SYCP2: variants seen among roughly 807,000 people sequenced by gnomAD.
The protein encoded by SYCP2 is synaptonemal complex lateral element protein.
In SYCP2, 55 loss-of-function variants were observed where a neutral mutation model predicts 211.3. The observed-to-expected ratio is 0.26, with a 90% confidence interval of 0.21 to 0.33. SYCP2 has a LOEUF of 0.33. Among genes scored for constraint, SYCP2 ranks in the 10% least tolerant of loss-of-function variants. SYCP2 has a pLI of 1.00. For synonymous variants in SYCP2, 570 were observed against 555.2 expected, an observed-to-expected ratio of 1.03 and a Z score of -0.37; for missense variants, 1,731 against 1,752.0, an observed-to-expected ratio of 0.99 and a Z score of 0.21.
intron 18 of SYCP2, chr20:59,899,920 G>A (rs1339295320): frequency 3.9e-6 from 2 of 513,790 alleles, no homozygotes; most frequent in East Asian, 3.2e-5. Flanking sequence ...ATTTACAACT[G>A]TAAAGTATGT....
At chr20:59,895,150 G>C (rs1363888866) in intron 20 of SYCP2, among the ~76,000 whole-genome samples, 3 of 152,044 alleles carry the variant, frequency 2.0e-5, no homozygotes, top group African/African-American at 7.2e-5. Context: ...CCCCATAGTA[G>C]TCACCAATTT....
intron 14 of SYCP2, among the ~76,000 whole-genome samples, chr20:59,910,325 T>A (rs1394860516): frequency 6.6e-6 from 1 of 151,502 alleles, no homozygotes; most frequent in East Asian, 1.9e-4. Context: ...TACTTATAAA[T>A]GCATTTTATA....
intron 16 of SYCP2, among the ~76,000 whole-genome samples, chr20:59,901,100 T>C (rs1401526040): frequency 5.3e-5 from 8 of 152,208 alleles, no homozygotes; most frequent in East Asian, 1.9e-4. Context: ...AATTTGTCAA[T>C]TGAATATCTC....
intron 2 of SYCP2, among the ~76,000 whole-genome samples, chr20:59,930,097 G>A (rs987871735): frequency 6.6e-6 from 1 of 151,948 alleles, no homozygotes; most frequent in Non-Finnish European, 1.5e-5. Context: ...CAAAATCCAG[G>A]ACTCAGCCCT....
chr20:59,903,261 G>T (rs2060150674), intron 15 of SYCP2, among the ~76,000 whole-genome samples: 1 of 152,016 alleles, frequency 6.6e-6, no homozygotes, highest in Non-Finnish European at 1.5e-5. Flanking sequence ...TGAGATACAA[G>T]AAAACTTTGT....
intron 24 of SYCP2, among the ~76,000 whole-genome samples, chr20:59,891,312 T>C (rs567023518): frequency 6.6e-6 from 1 of 152,106 alleles, no homozygotes; most frequent in African/African-American, 2.4e-5. Flanking sequence ...TTTTGATAGT[T>C]AAGAAAAAAT....
At chr20:59,877,659 T>A in intron 32 of SYCP2, 104 bp from the exon 33 acceptor site, 1 of 910,138 alleles carries the variant, frequency 1.1e-6, no homozygotes, top group South Asian at 1.6e-5. Context: ...CATAAAATAT[T>A]TGTAAGAATG....
chr20:59,879,459 T>G lies in SYCP2; in HGVS notation c.2941+844A>C, dbSNP rs116172254. 2.2e-3 allele frequency among the ~76,000 whole-genome samples: 327 copies of G among 152,086 alleles called. 1 individual carries two copies. Among genetic ancestry groups the G allele is most frequent in the African/African-American group, 7.2e-3 (300 of 41,560 alleles). The stretch of plus-strand genomic sequence containing the variant: ...AATCCTGAAATAAAATGAAAGCTGA[T>G]GCCCTTAAAATAAATATACATTTAG... On this transcript the variant is annotated intron_variant, in intron 31 of 44. Coordinates refer to ENST00000357552, the MANE Select transcript of SYCP2 (RefSeq NM_014258.4).
chr20:59,893,458 G>A (rs2059948174), intron 21 of SYCP2, 66 bp downstream of exon 21: 1 of 1,022,960 alleles, frequency 9.8e-7, no homozygotes, highest in Admixed American at 2.1e-5. Flanking sequence ...GGGTTAAATG[G>A]TAATACAGGG....
chr20:59,869,217 G>A (rs2059404917), intron 36 of SYCP2, among the ~76,000 whole-genome samples: 1 of 151,620 alleles, frequency 6.6e-6, no homozygotes, highest in Non-Finnish European at 1.5e-5. Context: ...AGGAGCCACA[G>A]AAAACTAAAG....
At chr20:59,872,588 G>GTA (rs1474649032) in intron 35 of SYCP2, among the ~76,000 whole-genome samples, 2 of 151,960 alleles carry the variant, frequency 1.3e-5, no homozygotes, top group East Asian at 3.9e-4. Context: ...AAAAAAGATA[G>GTA]TATATATAGC....
At chr20:59,901,012 A>G (rs2060105791) in intron 16 of SYCP2, among the ~76,000 whole-genome samples, 194 bp from the exon 17 acceptor site, 1 of 152,020 alleles carries the variant, frequency 6.6e-6, no homozygotes, top group Non-Finnish European at 1.5e-5. Flanking sequence ...CAGTCACCTT[A>G]GCTTGTCATT....
rs749259201 is a variant in SYCP2 at position 59,914,256 on chromosome 20, TAAA to T, written c.635-8_635-6del. On this transcript the variant is annotated splice_polypyrimidine_tract_variant and splice_region_variant and intron_variant, in intron 10 of 44. Transcript: ENST00000357552. ...TGCCTACCTGTAAGTCATAATCTAT[TAAA>T]AAAATAGTTAATGTTTGATTTACAA... The T allele has an allele frequency of 1.3e-6, 2 of 1,509,196 alleles. No homozygotes were observed. The highest frequency in any genetic ancestry group is 2.3e-5 in the East Asian group (1 of 43,956). The allele number at this position is 1,509,196 out of a possible 1,614,324, so 93.5% of individuals were successfully genotyped here. A position where few individuals can be genotyped will look rare whatever the true frequency, so the allele number is the denominator to read the frequency against.
At chr20:59,912,698 C>T (rs903725695) in intron 12 of SYCP2, among the ~76,000 whole-genome samples, 4 of 152,022 alleles carry the variant, frequency 2.6e-5, no homozygotes, top group African/African-American at 9.7e-5. Context: ...GTTCTGTGTC[C>T]CCACCCAAAT....
intron 2 of SYCP2, among the ~76,000 whole-genome samples, chr20:59,922,835 A>T (rs2060566544): frequency 6.6e-6 from 1 of 151,910 alleles, no homozygotes; most frequent in Non-Finnish European, 1.5e-5. Context: ...TGTGCAAATG[A>T]AATTTGGGCT....
At chr20:59,909,339 A>T (rs1420064225) in intron 14 of SYCP2, among the ~76,000 whole-genome samples, 3 of 152,180 alleles carry the variant, frequency 2.0e-5, no homozygotes, top group Non-Finnish European at 4.4e-5. Context: ...ACAAATCACC[A>T]AGTTTGCTCA....
At position 59,869,875 on chromosome 20, in the gene SYCP2, T is replaced by G; in HGVS notation, c.3664A>C (p.Ser1222Arg). 2 of 1,605,706 alleles carry G rather than the reference T, an allele frequency of 1.2e-6. No homozygotes were observed. The highest frequency in any genetic ancestry group is 8.5e-7 in the Non-Finnish European group (1 of 1,173,550). ...QNSNSYSDVS[S>R]YSSEERFMEI... Reference sequence around the variant, plus strand: ...ATAAACCGTTCTTCTGAACTATAACTGCTTACATCTGAATAGCTGTTACTG... The same window carrying G: ...ATAAACCGTTCTTCTGAACTATAACGGCTTACATCTGAATAGCTGTTACTG... Residue 1222 changes from serine to arginine, a missense_variant, in exon 36 of 45, where the codon AGT becomes CGT. By Grantham distance (110) the Ser-to-Arg change is moderately radical. Transcript: ENST00000357552.
intron 15 of SYCP2, among the ~76,000 whole-genome samples, chr20:59,903,135 C>T (rs1461634728): frequency 6.6e-6 from 1 of 151,986 alleles, no homozygotes; most frequent in African/African-American, 2.4e-5. Flanking sequence ...TGGCTACTTA[C>T]ATAGAAATTT....
intron 2 of SYCP2, among the ~76,000 whole-genome samples, chr20:59,925,525 T>C (rs1246895773): frequency 6.6e-6 from 1 of 152,110 alleles, no homozygotes; most frequent in Non-Finnish European, 1.5e-5. Flanking sequence ...TACTAAGTTA[T>C]CTGGTTATCA....
Sources: allele counts gnomAD v4.1 joint callset (sites outside exome capture counted in the v4.1 genomes callset), GRCh38; gene constraint gnomAD v4.1.1; transcripts MANE v1.5; gene names NCBI Gene and HGNC (gene_info 2026-07-23, HGNC 2026-07-21).